The following MFSD6L variants were observed in gnomAD, a reference collection of about 807,000 sequenced individuals.
MFSD6L encodes the protein major facilitator superfamily domain containing 6 like.
MFSD6L carries 9 observed loss-of-function variants against 6.4 expected under a neutral mutation model. The ratio of observed to expected loss-of-function variants is 1.42; its 90% CI spans 0.85 to 2.47. The LOEUF is 2.47. Among genes scored for constraint, MFSD6L ranks in the 30% most tolerant of loss-of-function variants. MFSD6L has a pLI of 0.00. For synonymous variants in MFSD6L, 336 were observed against 322.4 expected, an observed-to-expected ratio of 1.04 and a Z score of -0.45; for missense variants, 747 against 730.6, an observed-to-expected ratio of 1.02 and a Z score of -0.26.
In MFSD6L at chr17:8,798,828, G is replaced by C. The variant is rs976542781; in HGVS notation, c.293C>G (p.Pro98Arg). The stretch of plus-strand genomic sequence containing the variant: ...GTGCACCCGATTTTTGTCTACCGGT[G>C]GGACCAGGACCATCAGCAGGCTGGC... ...VGASLLMVLV[P>R]PVDKNRVHFP... is the part of the protein sequence containing the mutation. Residue 98 changes from proline (P) to arginine (R), a missense_variant, in exon 1 of 1, where the codon CCA becomes CGA. Physicochemically the swap from Pro to Arg is moderately radical, Grantham distance 103. Coordinates refer to ENST00000329805, the MANE Select transcript of MFSD6L (RefSeq NM_152599.4). 9.3e-6 allele frequency: 15 copies of C among 1,613,940 alleles called. 1 individual carries two copies. In the Admixed American group the frequency reaches 1.7e-4, roughly 18 times the overall value.
Position 8,798,550 on chromosome 17 carries a change from T to C in MFSD6L, c.571A>G (p.Thr191Ala). 6.2e-7 allele frequency: 1 copy of C among 1,613,816 alleles called. No individual in the cohort carries two copies. Residue 191 changes from threonine (T) to alanine (A), a missense_variant, in exon 1 of 1, where the codon ACT (threonine) becomes GCT (alanine). Thr to Ala is a moderately conservative substitution (Grantham distance 58, BLOSUM62 0). Coordinates refer to ENST00000329805, the MANE Select transcript of MFSD6L (RefSeq NM_152599.4). Reference protein sequence around the residue: ...TTSQALLHPVTSGLKDHPWEV... With the variant: ...TTSQALLHPVASGLKDHPWEV... ...CAGGGATGATCTTTCAGCCCCGAAG[T>C]GACAGGATGGAGGAGAGCTTGGGAT...
rs1475098810 is a variant in MFSD6L at position 8,798,247 on chromosome 17, A to G, written c.874T>C (p.Leu292=). Reference sequence around the variant, plus strand: ...CACACGCCTGCCGACATGCCCAGCAACCTCCAGACCCACAGGCTTCTGTAT... The same window carrying G: ...CACACGCCTGCCGACATGCCCAGCAGCCTCCAGACCCACAGGCTTCTGTAT... The part of the protein sequence containing the change: ...DRYRSLWVWR[L]LGMSAGVCGI... The change falls in exon 1 of 1, where the codon TTG becomes CTG. Residue 292 remains leucine (L), a synonymous_variant. Coordinates refer to ENST00000329805, the MANE Select transcript of MFSD6L (RefSeq NM_152599.4). The G allele has an allele frequency of 1.2e-6, 2 of 1,609,464 alleles. No homozygotes were observed. Among genetic ancestry groups the G allele is most frequent in the African/African-American group, 1.3e-5 (1 of 74,870 alleles).
rs1368095310 is a variant in MFSD6L, at chr17:8,798,486, A to G, written c.635T>C (p.Leu212Ser). Residue 212 changes from leucine (L) to serine (S), a missense_variant, in exon 1 of 1, where the codon TTG becomes TCG. By Grantham distance (145) the Leu-to-Ser change is moderately radical (BLOSUM62 -2). Transcript: ENST00000329805. ...TFEVVKTALPLLPGGKGPGNP... is the reference protein window; with the variant it reads ...TFEVVKTALPSLPGGKGPGNP... ...CCCGGGCCCTTTCCCCCCAGGAAGC[A>G]AGGGGAGGGCTGTCTTGACCACCTC... 13 of 1,607,608 alleles carry G rather than the reference A, an allele frequency of 8.1e-6. No homozygotes were observed. Among genetic ancestry groups the G allele is most frequent in the Non-Finnish European group, 1.0e-5 (12 of 1,176,090 alleles).
chr17:8,799,286 C>T lies in MFSD6L; in HGVS notation c.-166G>A, dbSNP rs1398669365. On this transcript the variant is annotated 5_prime_UTR_variant, in exon 1 of 1. Transcript: ENST00000329805. The surrounding 1 kb of genome is among the most constrained non-coding windows in gnomAD (Gnocchi z 5.3). ...CCGCGGTCACCAGGTCAACGGCCGCCCCCGGCCACAGCCCCCAGGTCCTGC... is the reference window on the plus strand; with the variant it reads ...CCGCGGTCACCAGGTCAACGGCCGCTCCCGGCCACAGCCCCCAGGTCCTGC... 1 of 511,848 alleles carries T rather than the reference C, an allele frequency of 2.0e-6. No homozygotes were observed. The highest frequency in any genetic ancestry group is 3.2e-6 in the Non-Finnish European group (1 of 315,830). The allele number at this position is 511,848 out of a possible 1,614,324, so 31.7% of individuals were successfully genotyped here.
chr17:8,797,541 C>A lies in MFSD6L; in HGVS notation c.1580G>T (p.Cys527Phe). 6.2e-7 allele frequency: 1 copy of A among 1,613,806 alleles called. No individual in the cohort carries two copies. Reference protein sequence around the residue: ...RFSLAVLYQACCVALLLWLAL... With the variant: ...RFSLAVLYQAFCVALLLWLAL... ...CAACCAGAGCAACAGGGCCACACAG[C>A]AGGCCTGGTAGAGCACAGCCAGGCT... The change falls in exon 1 of 1, where the codon TGC (cysteine) becomes TTC (phenylalanine). Residue 527 changes from cysteine to phenylalanine, a missense_variant. Cys to Phe is a radical substitution (Grantham distance 205). Transcript: ENST00000329805.
rs1266934070 is a variant in MFSD6L, at chr17:8,798,528, G to A, written c.593C>T (p.Pro198Leu). The part of the protein sequence containing the change: ...HPVTSGLKDH[P>L]WEVTFEVVKT... ...GACCACCTCAAAAGTAACTTCCCAG[G>A]GATGATCTTTCAGCCCCGAAGTGAC... The change falls in exon 1 of 1, where the codon CCC becomes CTC. Residue 198 changes from proline (P) to leucine (L), a missense_variant. Coordinates refer to ENST00000329805, the MANE Select transcript of MFSD6L (RefSeq NM_152599.4). The A allele has an allele frequency of 1.2e-6, 2 of 1,613,628 alleles. No homozygotes were observed. Among genetic ancestry groups the A allele is most frequent in the South Asian group, 2.2e-5 (2 of 91,050 alleles).
chr17:8,797,677 G>C lies in MFSD6L; in HGVS notation c.1444C>G (p.Leu482Val), dbSNP rs1470279979. Reference protein sequence around the residue: ...WWAVGASVEDLATPRMERALS... With the variant: ...WWAVGASVEDVATPRMERALS... Reference sequence around the variant, plus strand: ...GCCCTCTCCATGCGGGGAGTGGCCAGGTCCTCTACTGAGGCCCCCACAGCC... The same window carrying C: ...GCCCTCTCCATGCGGGGAGTGGCCACGTCCTCTACTGAGGCCCCCACAGCC... Residue 482 changes from leucine (L) to valine (V), a missense_variant, in exon 1 of 1, where the codon CTG becomes GTG. Coordinates refer to ENST00000329805, the MANE Select transcript of MFSD6L (RefSeq NM_152599.4). 1.9e-5 allele frequency: 31 copies of C among 1,613,452 alleles called. No homozygotes were observed. The Admixed American group carries it at 4.7e-4, about 24-fold the overall frequency.
Position 8,797,654 on chromosome 17 carries a change from C to A in MFSD6L, c.1467G>T (p.Arg489Ser). Residue 489 changes from arginine to serine, a missense_variant, in exon 1 of 1, where the codon AGG becomes AGT. By Grantham distance (110) the Arg-to-Ser change is moderately radical. Coordinates refer to ENST00000329805, the MANE Select transcript of MFSD6L (RefSeq NM_152599.4). ...VEDLATPRME[R>S]ALSALFRGHF... ...GGCCTCGGAACAAGGCACTCAGAGCCCTCTCCATGCGGGGAGTGGCCAGGT... is the reference window on the plus strand; with the variant it reads ...GGCCTCGGAACAAGGCACTCAGAGCACTCTCCATGCGGGGAGTGGCCAGGT... The A allele has an allele frequency of 6.2e-7, 1 of 1,613,466 alleles. No individual in the cohort carries two copies. Among genetic ancestry groups the A allele is most frequent in the Non-Finnish European group, 8.5e-7 (1 of 1,180,024 alleles).
At position 8,797,741 on chromosome 17, in the gene MFSD6L, A is replaced by G; in HGVS notation, c.1380T>C (p.Ile460=). Residue 460 remains isoleucine (I), a synonymous_variant, in exon 1 of 1, where the codon ATT becomes ATC. Coordinates refer to ENST00000329805, the MANE Select transcript of MFSD6L (RefSeq NM_152599.4). ...TGTTGCTAATGGCACTCAAGATCTG[A>G]ATGGGGAGGACGGACCACCAGCTCC... The part of the protein sequence containing the change: ...FLWSWWSVLP[I]QILSAISNRA... 6.2e-7 allele frequency: 1 copy of G among 1,613,942 alleles called. No individual in the cohort carries two copies. The highest frequency in any genetic ancestry group is 2.2e-5 in the East Asian group (1 of 44,874).
At position 8,798,655 on chromosome 17, in the gene MFSD6L, G is replaced by T. The variant is rs147631952; in HGVS notation, c.466C>A (p.Pro156Thr). The change falls in exon 1 of 1, where the codon CCA becomes ACA. Residue 156 changes from proline to threonine, a missense_variant. Transcript: ENST00000329805. ...AEVEMPGFRN[P>T]PGESDRETFR... The stretch of plus-strand genomic sequence containing the variant: ...GTTTCTCGGTCACTTTCACCAGGTG[G>T]GTTTCTGAAGCCAGGCATTTCCACC... 3 of 1,614,158 alleles carry T rather than the reference G, an allele frequency of 1.9e-6. No individual in the cohort carries two copies. Among genetic ancestry groups the T allele is most frequent in the South Asian group, 1.1e-5 (1 of 91,090 alleles).
chr17:8,798,850 TG>T lies in MFSD6L; in HGVS notation c.270del (p.Ser91AlafsTer3). 1 of 1,613,932 alleles carries T rather than the reference TG, an allele frequency of 6.2e-7. No individual in the cohort carries two copies. The highest frequency in any genetic ancestry group is 8.5e-7 in the Non-Finnish European group (1 of 1,179,982). ...GGTGGGACCAGGACCATCAGCAGGC[TG>T]GCCCCCACCGAGCCGAGCAGGGAGC... is the stretch of plus-strand genomic sequence containing the variant. ...LIGSLLGSVGASLLMVLVPPV... is the reference protein window; with the variant it reads ...LIGSLLGSVGXSLLMVLVPPV... On this transcript the variant is annotated frameshift_variant, in exon 1 of 1. Coordinates refer to ENST00000329805, the MANE Select transcript of MFSD6L (RefSeq NM_152599.4). LOFTEE classifies it low-confidence loss of function (END_TRUNC).
rs996520103 is a variant in MFSD6L, at chr17:8,798,210, G to A, written c.911C>T (p.Ala304Val). The A allele has an allele frequency of 1.2e-6, 2 of 1,611,780 alleles. No homozygotes were observed. Among genetic ancestry groups the A allele is most frequent in the African/African-American group, 2.7e-5 (2 of 74,868 alleles). The change falls in exon 1 of 1, where the codon GCC becomes GTC. Residue 304 changes from alanine (A) to valine (V), a missense_variant. Coordinates refer to ENST00000329805, the MANE Select transcript of MFSD6L (RefSeq NM_152599.4). ...GAAGCAGTCCAGCTGCCCCACCAAGGCTGTGATGCCACACACGCCTGCCGA... is the reference window on the plus strand; with the variant it reads ...GAAGCAGTCCAGCTGCCCCACCAAGACTGTGATGCCACACACGCCTGCCGA... ...GMSAGVCGIT[A>V]LVGQLDCFLM...
chr17:8,797,491 T>C lies in MFSD6L; in HGVS notation c.1630A>G (p.Arg544Gly). 6.2e-7 allele frequency: 1 copy of C among 1,614,094 alleles called. No homozygotes were observed. Residue 544 changes from arginine (R) to glycine (G), a missense_variant, in exon 1 of 1, where the codon AGG becomes GGG. Physicochemically the swap from Arg to Gly is moderately radical, Grantham distance 125. Coordinates refer to ENST00000329805, the MANE Select transcript of MFSD6L (RefSeq NM_152599.4). ...TTGATTTTCCGCTCTCGGGGCAGCC[T>C]CCGCTGTATGGACAGGAGCAAGGCC... is the stretch of plus-strand genomic sequence containing the variant. ...WLALLLSIQR[R>G]LPRERKIKYS...
chr17:8,798,124 G>T lies in MFSD6L; in HGVS notation c.997C>A (p.Leu333Met). ...HFYGYSVVST[L>M]ALLVSIAFPI... ...AAGGCAATGCTCACCAGTAAGGCCA[G>T]GGTGCTGACCACCGAGTACCCATAG... The change falls in exon 1 of 1, where the codon CTG (leucine) becomes ATG (methionine). Residue 333 changes from leucine to methionine, a missense_variant. Transcript: ENST00000329805. 6.2e-7 allele frequency: 1 copy of T among 1,613,836 alleles called. No homozygotes were observed. Among genetic ancestry groups the T allele is most frequent in the South Asian group, 1.1e-5 (1 of 91,064 alleles).
rs370282760 is a variant in MFSD6L at position 8,799,128 on chromosome 17, G to A, written c.-8C>T. ...CCGGGGGTTGGCACTCATGGCTGCC[G>A]GGCTCTGTCAGGCCTGGGCCGACGG... is the stretch of plus-strand genomic sequence containing the variant. On this transcript the variant is annotated 5_prime_UTR_variant, in exon 1 of 1. Coordinates refer to ENST00000329805, the MANE Select transcript of MFSD6L (RefSeq NM_152599.4). The surrounding 1 kb of genome is among the most constrained non-coding windows in gnomAD (Gnocchi z 5.3). 1 of 1,541,072 alleles carries A rather than the reference G, an allele frequency of 6.5e-7. No individual in the cohort carries two copies. The highest frequency in any genetic ancestry group is 1.4e-5 in the African/African-American group (1 of 73,048).
chr17:8,798,586 C>A lies in MFSD6L; in HGVS notation c.535G>T (p.Ala179Ser). 1 of 1,614,180 alleles carries A rather than the reference C, an allele frequency of 6.2e-7. No homozygotes were observed. The highest frequency in any genetic ancestry group is 8.5e-7 in the Non-Finnish European group (1 of 1,180,042). Residue 179 changes from alanine (A) to serine (S), a missense_variant, in exon 1 of 1, where the codon GCT becomes TCT. Ala to Ser is a moderately conservative substitution (Grantham distance 99). Coordinates refer to ENST00000329805, the MANE Select transcript of MFSD6L (RefSeq NM_152599.4). ...AGGAGAGCTTGGGATGTGGTCCTAG[C>A]TCCTTCAACGGAGGGCGCTAAGTAG... ...HVYLAPSVEG[A>S]RTTSQALLHP...
rs776320916 is a variant in MFSD6L at position 8,799,026 on chromosome 17, G to C, written c.95C>G (p.Pro32Arg). ...VCGVREACVT[P>R]FLTLYLRQLG... ...CTGCCTCAGGTAAAGGGTCAGGAAC[G>C]GGGTCACGCAGGCTTCCCGCACCCC... is the stretch of plus-strand genomic sequence containing the variant. The change falls in exon 1 of 1, where the codon CCG (proline) becomes CGG (arginine). Residue 32 changes from proline (P) to arginine (R), a missense_variant. By Grantham distance (103) the Pro-to-Arg change is moderately radical. Coordinates refer to ENST00000329805, the MANE Select transcript of MFSD6L (RefSeq NM_152599.4). This position sits in a 1 kb window ranked among gnomAD's most constrained non-coding sequence, Gnocchi z 5.3. 6 of 1,613,276 alleles carry C rather than the reference G, an allele frequency of 3.7e-6. No homozygotes were observed. Among genetic ancestry groups the C allele is most frequent in the East Asian group, 2.2e-5 (1 of 44,886 alleles).
In MFSD6L at chr17:8,797,742, A is replaced by G; in HGVS notation, c.1379T>C (p.Ile460Thr). ...FLWSWWSVLPIQILSAISNRA... is the reference protein window; with the variant it reads ...FLWSWWSVLPTQILSAISNRA... ...GTTGCTAATGGCACTCAAGATCTGA[A>G]TGGGGAGGACGGACCACCAGCTCCA... The change falls in exon 1 of 1, where the codon ATT (isoleucine) becomes ACT (threonine). Residue 460 changes from isoleucine to threonine, a missense_variant. Coordinates refer to ENST00000329805, the MANE Select transcript of MFSD6L (RefSeq NM_152599.4). 2 of 1,614,004 alleles carry G rather than the reference A, an allele frequency of 1.2e-6. No individual in the cohort carries two copies. Among genetic ancestry groups the G allele is most frequent in the Non-Finnish European group, 8.5e-7 (1 of 1,180,040 alleles).
Position 8,797,481 on chromosome 17 carries a change from CG to C in MFSD6L, c.1639del (p.Arg547GlufsTer15), listed in dbSNP as rs761288144. On this transcript the variant is annotated frameshift_variant, in exon 1 of 1. Coordinates refer to ENST00000329805, the MANE Select transcript of MFSD6L (RefSeq NM_152599.4). LOFTEE classifies it high-confidence loss of function. ...LLLSIQRRLP[R>X]ERKIKYSKLL... ...CTTCGAGTACTTGATTTTCCGCTCT[CG>C]GGGCAGCCTCCGCTGTATGGACAGG... 5 of 1,614,126 alleles carry C rather than the reference CG, an allele frequency of 3.1e-6. No individual in the cohort carries two copies. The highest frequency in any genetic ancestry group is 3.4e-6 in the Non-Finnish European group (4 of 1,180,000).
Sources: allele counts gnomAD v4.1 joint callset, GRCh38; gene constraint gnomAD v4.1.1; non-coding constraint Gnocchi (gnomAD v3.1); transcripts MANE v1.5; gene names NCBI Gene and HGNC (gene_info 2026-07-23, HGNC 2026-07-21).